ATAD2B: variants seen among roughly 807,000 people sequenced by gnomAD.
ATAD2B encodes the protein ATPase family AAA domain containing 2B, also known as ATPase family AAA domain-containing protein 2B.
ATAD2B carries 40 observed loss-of-function variants against 167.6 expected under a neutral mutation model. The ratio of observed to expected loss-of-function variants is 0.24; its 90% CI spans 0.19 to 0.31. ATAD2B has a LOEUF of 0.31. ATAD2B is among the 10% of genes least tolerant of loss of function. The pLI is 1.00. For missense variants in ATAD2B, 1,242 were observed against 1,757.2 expected, an observed-to-expected ratio of 0.71 and a Z score of 5.24; for synonymous variants, 579 against 596.5, an observed-to-expected ratio of 0.97 and a Z score of 0.43.
intron 16 of ATAD2B, among the ~76,000 whole-genome samples, chr2:23,821,881 T>C (rs1015926232): frequency 5.3e-5 from 8 of 152,210 alleles, no homozygotes; most frequent in African/African-American, 1.9e-4. Context: ...CTTGAACTCC[T>C]GACCTCAGGT....
In ATAD2B at chr2:23,863,456, A is replaced by T. The variant is rs1450783718; in HGVS notation, c.1404T>A (p.Phe468Leu). 3.9e-6 allele frequency: 6 copies of T among 1,553,330 alleles called. No individual in the cohort carries two copies. The highest frequency in any genetic ancestry group is 2.4e-5 in the East Asian group (1 of 41,090). The change falls in exon 12 of 28, where the codon TTT (phenylalanine) becomes TTA (leucine). Residue 468 changes from phenylalanine to leucine, a missense_variant. By Grantham distance (22) the Phe-to-Leu change is conservative. This residue lies in a region of ATAD2B where 151 missense variants were observed against 284.1 expected (regional missense o/e 0.53). Coordinates refer to ENST00000238789, the MANE Select transcript of ATAD2B (RefSeq NM_017552.4). Reference protein sequence around the residue: ...CSQGDKKVAFFMRKGADCLSK... With the variant: ...CSQGDKKVAFLMRKGADCLSK... ...TCAAACAATCTGCTCCTTTTCGCAT[A>T]AAAAAAGCCACTTTTTTGTCTCCTT...
intron 6 of ATAD2B, chr2:23,883,616 A>T: frequency 7.7e-7 from 1 of 1,298,328 alleles, no homozygotes; most frequent in Non-Finnish European, 1.0e-6. Context: ...TCTCCAAAGG[A>T]AGCAATTTAG....
intron 2 of ATAD2B, among the ~76,000 whole-genome samples, chr2:23,889,481 T>C (rs1699162030): frequency 6.6e-6 from 1 of 152,102 alleles, no homozygotes; most frequent in Non-Finnish European, 1.5e-5. Flanking sequence ...ATGACTGCCT[T>C]CTATGTGGTT....
the ATAD2B span, among the ~76,000 whole-genome samples, chr2:23,739,274 C>T: frequency 2.0e-5 from 3 of 151,960 alleles, no homozygotes; most frequent in African/African-American, 4.8e-5. Flanking sequence ...ACTACACCTA[C>T]TCCAAAATTG....
At chr2:23,798,422 G>T (rs1682937302) in intron 18 of ATAD2B, 99 bp from the exon 19 acceptor site, 3 of 922,362 alleles carry the variant, frequency 3.3e-6, no homozygotes, top group African/African-American at 3.4e-5. Context: ...GGCCTATTAT[G>T]GTCATTAGTT....
At chr2:23,784,394 A>G (rs927156131) in intron 21 of ATAD2B, among the ~76,000 whole-genome samples, 5 of 152,124 alleles carry the variant, frequency 3.3e-5, no homozygotes, top group Non-Finnish European at 7.4e-5. Flanking sequence ...AGAGACTCCT[A>G]TGTTCTCAGC....
intron 2 of ATAD2B, among the ~76,000 whole-genome samples, chr2:23,893,488 T>C (rs1217704266): frequency 2.6e-5 from 4 of 151,992 alleles, no homozygotes; most frequent in Non-Finnish European, 2.9e-5. Flanking sequence ...TTTGTACTTA[T>C]ATTATCTCAA....
At position 23,811,867 on chromosome 2, in the gene ATAD2B, T is replaced by C. The variant is rs145436411; in HGVS notation, c.2268-1365A>G. 7.4e-4 allele frequency among the ~76,000 whole-genome samples: 113 copies of C among 152,108 alleles called. No individual in the cohort carries two copies. In the East Asian group the frequency reaches 0.021, roughly 28 times the overall value. On this transcript the variant is annotated intron_variant, in intron 17 of 27. Coordinates refer to ENST00000238789, the MANE Select transcript of ATAD2B (RefSeq NM_017552.4). ...TTTTAAAATAACAAATATATATATA[T>C]ATACATAAACTTCTTCCAACACAAA...
intron 22 of ATAD2B, among the ~76,000 whole-genome samples, chr2:23,769,318 G>A (rs1677934138): frequency 6.6e-6 from 1 of 152,108 alleles, no homozygotes; most frequent in Admixed American, 6.5e-5. Context: ...GCAGGCGCCT[G>A]TAATCCCAGC....
At chr2:23,835,391 C>T (rs567324340) in intron 13 of ATAD2B, among the ~76,000 whole-genome samples, 51 of 152,242 alleles carry the variant, frequency 3.3e-4, no homozygotes, top group Non-Finnish European at 7.2e-4. Flanking sequence ...AATCACTTTG[C>T]TAAGGAAGCT....
At chr2:23,872,571 C>T in intron 8 of ATAD2B, 1 of 1,172,670 alleles carries the variant, frequency 8.5e-7, no homozygotes, top group Non-Finnish European at 1.3e-6. Flanking sequence ...AGCTGATCCT[C>T]CGTGAGGTCT....
the ATAD2B span, among the ~76,000 whole-genome samples, chr2:23,734,153 A>T: frequency 1.3e-5 from 2 of 151,612 alleles, no homozygotes; most frequent in Non-Finnish European, 2.9e-5. Context: ...GATACTGGGT[A>T]ACTTATTTAT....
At chr2:23,680,686 TC>T in the ATAD2B span, among the ~76,000 whole-genome samples, 3 of 150,224 alleles carry the variant, frequency 2.0e-5, no homozygotes, top group Non-Finnish European at 4.4e-5. This position sits in a 1 kb window ranked among gnomAD's most constrained non-coding sequence, Gnocchi z 4.1. Context: ...TAGGCCATCT[TC>T]CCCTGGGGTC....
In ATAD2B at chr2:23,872,554, G is replaced by A. The variant is rs1295377340; in HGVS notation, c.978-2793C>T. ...TTTGAGAGTCCTTCAGACTCTCACA[G>A]GAGGGTAGCTGATCCTCCGTGAGGT... On this transcript the variant is annotated intron_variant, in intron 8 of 27. Transcript: ENST00000238789. 4 of 1,034,444 alleles carry A rather than the reference G, an allele frequency of 3.9e-6. No homozygotes were observed. The Admixed American group carries it at 6.8e-5, about 18-fold the overall frequency. The allele number at this position is 1,034,444 out of a possible 1,614,324, so 64.1% of individuals were successfully genotyped here.
chr2:23,734,830 C>T, the ATAD2B span, among the ~76,000 whole-genome samples: 1 of 152,158 alleles, frequency 6.6e-6, no homozygotes, highest in Non-Finnish European at 1.5e-5. Context: ...TCTCCCACAG[C>T]ACCTCAACTA....
chr2:23,839,480 A>G (rs1259699459), intron 13 of ATAD2B, among the ~76,000 whole-genome samples: 1 of 152,144 alleles, frequency 6.6e-6, no homozygotes, highest in Non-Finnish European at 1.5e-5. Flanking sequence ...CATTTCTTCC[A>G]CATCTATTGA....
chr2:23,884,990 A>G, intron 5 of ATAD2B, 117 bp from the exon 6 acceptor site: 1 of 454,450 alleles, frequency 2.2e-6, no homozygotes, highest in Non-Finnish European at 3.8e-6. Flanking sequence ...TTTGCGTGCC[A>G]TAGATTCGTG....
the ATAD2B span, among the ~76,000 whole-genome samples, chr2:23,735,453 C>CT: frequency 3.9e-5 from 6 of 152,170 alleles, no homozygotes; most frequent in Non-Finnish European, 7.4e-5. Flanking sequence ...TTTTGTTCAA[C>CT]TTATAAAAGA....
the ATAD2B span, chr2:23,689,865 T>C: frequency 6.6e-6 from 1 of 152,286 alleles, no homozygotes; most frequent in Non-Finnish European, 1.5e-5. Flanking sequence ...CACCGAGGTA[T>C]GGAAATCCAT....
Sources: allele counts gnomAD v4.1 joint callset (sites outside exome capture counted in the v4.1 genomes callset), GRCh38; gene constraint gnomAD v4.1.1; regional missense constraint gnomAD v4.1.1; non-coding constraint Gnocchi (gnomAD v3.1); transcripts MANE v1.5; gene names NCBI Gene and HGNC (gene_info 2026-07-23, HGNC 2026-07-21).